The following KNL1 variants were observed in gnomAD, a reference collection of about 807,000 sequenced individuals.
KNL1 encodes outer kinetochore KNL1 complex subunit KNL1.
A neutral mutation model predicts 201.3 loss-of-function variants in KNL1; 66 were observed. The observed-to-expected ratio is 0.33, with a 90% CI of 0.27 to 0.40. The LOEUF (loss-of-function observed/expected upper bound fraction) is 0.40, where lower values mean the gene tolerates loss of function less well. Ranked by LOEUF, KNL1 falls within the 10% of genes least tolerant of loss-of-function variation. The probability of loss-of-function intolerance (pLI) is 1.00; values close to 1 mark genes in which losing one functional copy is unlikely to be tolerated. For missense variants in KNL1, 2,815 were observed against 2,690.5 expected (o/e 1.05, Z -1.02); for synonymous variants, 895 against 899.2 (o/e 1.00, Z 0.08).
At chr15:40,601,859 CTTTTTTTTTTTTT>C (rs36046773) in intron 1 of KNL1, among the ~76,000 whole-genome samples, 5 of 64,620 alleles carry the variant, frequency 7.7e-5, no homozygotes, top group Admixed American at 2.6e-4. Context: ...AAAAATGCAT[CTTTTTTTTTTTTT>C]TTTTTTTTTT....
At chr15:40,650,175 A>G (rs1893511145) in intron 17 of KNL1, 126 bp from the exon 18 acceptor site, 2 of 641,824 alleles carry the variant, frequency 3.1e-6, no homozygotes, top group Admixed American at 3.3e-5. Flanking sequence ...TGAACTTCCT[A>G]CTACCAAAGA....
chr15:40,647,759 A>G (rs944246895), intron 17 of KNL1, among the ~76,000 whole-genome samples: 3 of 152,088 alleles, frequency 2.0e-5, no homozygotes, highest in Non-Finnish European at 4.4e-5. Flanking sequence ...AGCCATTTTG[A>G]CCTCTTTCAG....
intron 9 of KNL1, among the ~76,000 whole-genome samples, chr15:40,619,825 G>A (rs188585294): frequency 6.6e-6 from 1 of 152,178 alleles, no homozygotes; most frequent in African/African-American, 2.4e-5. Context: ...ATTTGGTGCT[G>A]TCAGTGTTTT....
Position 40,647,689 on chromosome 15 carries a change from T to C in KNL1, c.6094+615T>C, listed in dbSNP as rs909616515. ...CTTTTTAGAGTTACTCTCCTGAAAC[T>C]CCTTTCTCAAAGATCACATAATTCT... On this transcript the variant is annotated intron_variant, in intron 17 of 25. Coordinates refer to ENST00000399668, the MANE Select transcript of KNL1 (RefSeq NM_144508.5). Among the ~76,000 whole-genome samples the C allele has an allele frequency of 2.0e-5, 3 of 152,158 alleles. No homozygotes were observed. In the South Asian group the frequency reaches 6.2e-4, roughly 32 times the overall value.
intron 1 of KNL1, among the ~76,000 whole-genome samples, chr15:40,601,059 C>T (rs1203599225): frequency 2.6e-5 from 4 of 152,162 alleles, no homozygotes; most frequent in Non-Finnish European, 5.9e-5. Context: ...GGCCGTGGAA[C>T]GGTATAGGTC....
chr15:40,628,765 TA>T (rs1473518584), intron 12 of KNL1, 87 bp downstream of exon 12: 40 of 829,072 alleles, frequency 4.8e-5, no homozygotes, highest in Non-Finnish European at 6.8e-5. Context: ...ATTCTTGGTT[TA>T]AAAAATTTTT....
chr15:40,622,064 A>G lies in KNL1; in HGVS notation c.1800A>G (p.Glu600=), dbSNP rs768283173. The change falls in exon 10 of 26, where the codon GAA becomes GAG. Residue 600 remains glutamate (E), a synonymous_variant. Coordinates refer to ENST00000399668, the MANE Select transcript of KNL1 (RefSeq NM_144508.5). ...AYNLAPESTS[E]SHSQSKSSSD... ...ATCTAGCACCGGAGAGTACCAGTGA[A>G]TCTCACTCTCAGAGCAAAAGCTCTT... 33 of 1,613,862 alleles carry G rather than the reference A, an allele frequency of 2.0e-5. 1 individual carries two copies. Among genetic ancestry groups the G allele is most frequent in the Non-Finnish European group, 1.6e-5 (19 of 1,179,888 alleles).
At chr15:40,646,091 A>G (rs1229281985) in intron 16 of KNL1, among the ~76,000 whole-genome samples, 1 of 152,240 alleles carries the variant, frequency 6.6e-6, no homozygotes, top group African/African-American at 2.4e-5. Flanking sequence ...CATAGTCCAT[A>G]CTAAGCTGTA....
Position 40,655,113 on chromosome 15 carries a change from C to A in KNL1, c.6484+136C>A, listed in dbSNP as rs1385301718. The A allele has an allele frequency of 1.1e-5, 7 of 614,392 alleles. No homozygotes were observed. The Admixed American group carries it at 1.9e-4, about 17-fold the overall frequency. The allele number at this position is 614,392 out of a possible 1,614,324, so 38.1% of individuals were successfully genotyped here. A position where few individuals can be genotyped will look rare whatever the true frequency, so the allele number is the denominator to read the frequency against. ...AGGAGTTTGAGACCAGCCTGACTAA[C>A]ATGGTGAAACCCCGTCTCTGCTAAA... On this transcript the variant is annotated intron_variant, in intron 22 of 25. Coordinates refer to ENST00000399668, the MANE Select transcript of KNL1 (RefSeq NM_144508.5).
chr15:40,628,049 T>C (rs1473244907), intron 10 of KNL1, 21 bp from the exon 11 acceptor site: 1 of 1,550,332 alleles, frequency 6.5e-7, no homozygotes, highest in Non-Finnish European at 8.8e-7. Context: ...TCTGATGATA[T>C]TCCTTAATTG....
chr15:40,619,048 C>T (rs772221894), intron 9 of KNL1, 37 bp downstream of exon 9: 15 of 1,322,678 alleles, frequency 1.1e-5, no homozygotes, highest in Non-Finnish European at 1.5e-5. Context: ...ATTGTAATGT[C>T]ATTTGATTGT....
At chr15:40,649,195 G>C (rs1893483387) in intron 17 of KNL1, among the ~76,000 whole-genome samples, 1 of 151,492 alleles carries the variant, frequency 6.6e-6, no homozygotes, top group Non-Finnish European at 1.5e-5. Context: ...AAACTTCTGA[G>C]CTTGACATTT....
Position 40,624,845 on chromosome 15 carries a change from C to T in KNL1, c.4581C>T (p.Asp1527=), listed in dbSNP as rs746660294. Residue 1527 remains aspartate (D), a synonymous_variant, in exon 10 of 26, where the codon GAC becomes GAT. Transcript: ENST00000399668. ...CTCTAGATTTCCACAGTAACTCAGA[C>T]GTAACTAAGCAAGTCATTCAAACTC... ...NTALDFHSNS[D]VTKQVIQTHV... 2.3e-5 allele frequency: 37 copies of T among 1,612,634 alleles called. No homozygotes were observed. The East Asian group carries it at 6.0e-4, about 26-fold the overall frequency.
intron 4 of KNL1, 44 bp from the exon 5 acceptor site, chr15:40,608,803 C>CA: frequency 1.5e-6 from 2 of 1,335,816 alleles, no homozygotes; most frequent in Non-Finnish European, 2.1e-6. Context: ...ATGTAATTCA[C>CA]AGTGATTTTA....
At chr15:40,605,244 C>G (rs1013228194) in intron 3 of KNL1, 95 bp downstream of exon 3, 2 of 693,632 alleles carry the variant, frequency 2.9e-6, no homozygotes, top group Non-Finnish European at 5.2e-6. Flanking sequence ...CCATCCTACC[C>G]TTACTGGCTT....
rs753902443 is a variant in KNL1 at position 40,621,030 on chromosome 15, C to G, written c.766C>G (p.Gln256Glu). The G allele has an allele frequency of 1.9e-6, 3 of 1,607,202 alleles. No individual in the cohort carries two copies. Among genetic ancestry groups the G allele is most frequent in the South Asian group, 2.2e-5 (2 of 90,258 alleles). Residue 256 changes from glutamine to glutamate, a missense_variant, in exon 10 of 26, where the codon CAA (glutamine) becomes GAA (glutamate). Coordinates refer to ENST00000399668, the MANE Select transcript of KNL1 (RefSeq NM_144508.5). ...KEPNSASSTH[Q>E]MHVSLKEDEN... ...ACCGAACAGTGCCTCTTCTACACAT[C>G]AAATGCATGTATCTCTTAAGGAAGA...
At chr15:40,641,720 C>G (rs1026501422) in intron 14 of KNL1, among the ~76,000 whole-genome samples, 1 of 152,158 alleles carries the variant, frequency 6.6e-6, no homozygotes, top group Non-Finnish European at 1.5e-5. Context: ...TCCAAATAGT[C>G]CAAAATCCAA....
intron 5 of KNL1, among the ~76,000 whole-genome samples, chr15:40,609,262 A>T: frequency 6.6e-6 from 1 of 151,752 alleles, no homozygotes; most frequent in East Asian, 1.9e-4. Context: ...AAAAAAAAAA[A>T]AAATTAGCTA....
rs935667498 is a variant in KNL1, at chr15:40,615,243, A to G, written c.285-98A>G. ...TTTATAATTTTCTGCTAGTCATTCT[A>G]TGAAAGTCTTTCACCTTCTGTACTC... is the stretch of plus-strand genomic sequence containing the variant. On this transcript the variant is annotated intron_variant, in intron 7 of 25. Coordinates refer to ENST00000399668, the MANE Select transcript of KNL1 (RefSeq NM_144508.5). The G allele has an allele frequency of 2.8e-5, 11 of 394,834 alleles. 1 individual carries two copies. The highest frequency in any genetic ancestry group is 2.0e-4 in the South Asian group (8 of 40,686). 24.5% of individuals were successfully genotyped at this position (394,834 alleles called of 1,614,324 possible). A position where few individuals can be genotyped will look rare whatever the true frequency, so the allele number is the denominator to read the frequency against.
Sources: allele counts gnomAD v4.1 joint callset (sites outside exome capture counted in the v4.1 genomes callset), GRCh38; gene constraint gnomAD v4.1.1; transcripts MANE v1.5; gene names NCBI Gene and HGNC (gene_info 2026-07-23, HGNC 2026-07-21).